Variants in CENPE observed in about 807,000 individuals in gnomAD.
CENPE encodes the protein centromere protein E, also known as centromere-associated protein E.
CENPE carries 145 observed loss-of-function variants against 336.1 expected under a neutral mutation model. The observed-to-expected ratio is 0.43, with a 90% confidence interval of 0.38 to 0.50. The LOEUF is 0.50. CENPE is among the 20% of genes least tolerant of loss of function. CENPE has a pLI of 0.00. For missense variants in CENPE, 2,719 were observed against 3,023.3 expected (o/e 0.90, Z 2.36); for synonymous variants, 1,013 against 984.8 (o/e 1.03, Z -0.54).
At chr4:103,190,329 T>C (rs889873539) in intron 8 of CENPE, among the ~76,000 whole-genome samples, 1 of 152,122 alleles carries the variant, frequency 6.6e-6, no homozygotes, top group Non-Finnish European at 1.5e-5. Context: ...GAGCCCGCAT[T>C]GCCAAGTCAA....
chr4:103,140,208 T>C (rs1335556551), intron 37 of CENPE, 48 bp downstream of exon 37: 2 of 1,527,576 alleles, frequency 1.3e-6, no homozygotes, highest in South Asian at 1.3e-5. Context: ...ATTCCACAAA[T>C]AATTTTGGGC....
At chr4:103,144,646 C>T (rs1364149802) in intron 32 of CENPE, 28 bp from the exon 33 acceptor site, 25 of 1,502,728 alleles carry the variant, frequency 1.7e-5, no homozygotes, top group Non-Finnish European at 2.2e-5. Flanking sequence ...TAAGTTACAA[C>T]ATAGGCAGAA....
Position 103,156,394 on chromosome 4 carries a change from T to C in CENPE, c.3033+1906A>G, listed in dbSNP as rs187800358. Among the ~76,000 whole-genome samples the C allele has an allele frequency of 1.2e-4, 18 of 152,154 alleles. No individual in the cohort carries two copies. In the East Asian group the frequency reaches 2.7e-3, roughly 23 times the overall value. Reference sequence around the variant, plus strand: ...AGCATAAAGACAGACATATAAACCATTGGAACAGAATAGAAAGACCAGAAA... The same window carrying C: ...AGCATAAAGACAGACATATAAACCACTGGAACAGAATAGAAAGACCAGAAA... On this transcript the variant is annotated intron_variant, in intron 24 of 48. Transcript: ENST00000265148.
intron 47 of CENPE, among the ~76,000 whole-genome samples, chr4:103,110,391 T>C (rs1422697778): frequency 6.6e-6 from 1 of 152,224 alleles, no homozygotes; most frequent in African/African-American, 2.4e-5. Context: ...AACGCTTTTT[T>C]TTCTACTGTA....
intron 45 of CENPE, among the ~76,000 whole-genome samples, chr4:103,115,061 T>C (rs1262990975): frequency 6.6e-6 from 1 of 152,168 alleles, no homozygotes; most frequent in African/African-American, 2.4e-5. Context: ...TCAGTAACGA[T>C]AAATTATAAG....
In CENPE at chr4:103,194,400, T is replaced by C. The variant is rs777052588; in HGVS notation, c.601A>G (p.Ser201Gly). 6.2e-7 allele frequency: 1 copy of C among 1,611,592 alleles called. No homozygotes were observed. Among genetic ancestry groups the C allele is most frequent in the Non-Finnish European group, 8.5e-7 (1 of 1,178,492 alleles). The change falls in exon 7 of 49, where the codon AGT becomes GGT. Residue 201 changes from serine (S) to glycine (G), a missense_variant. Transcript: ENST00000265148. ...YGETKMNQRS[S>G]RSHTIFRMIL... ...ATCCTAAAGATGGTATGAGAACGAC[T>C]GCTTCTTTGATTCATTTTTGTTTCT...
At position 103,144,136 on chromosome 4, in the gene CENPE, C is replaced by A. The variant is rs181207049; in HGVS notation, c.5145+195G>T. ...TGTTTTTAGTAGAGATGGCGTTTCACCATGTTAGCCAGGATGGTCTTGATC... is the reference window on the plus strand; with the variant it reads ...TGTTTTTAGTAGAGATGGCGTTTCAACATGTTAGCCAGGATGGTCTTGATC... On this transcript the variant is annotated intron_variant, in intron 33 of 48. Coordinates refer to ENST00000265148, the MANE Select transcript of CENPE (RefSeq NM_001813.3). 1.8e-4 allele frequency among the ~76,000 whole-genome samples: 27 copies of A among 152,218 alleles called. No individual in the cohort carries two copies. The East Asian group carries it at 4.8e-3, about 27-fold the overall frequency.
chr4:103,112,316 T>C (rs1749520529), intron 46 of CENPE, among the ~76,000 whole-genome samples: 1 of 140,222 alleles, frequency 7.1e-6, no homozygotes, highest in South Asian at 2.1e-4. Flanking sequence ...ACTATATACT[T>C]ATAAGTGTAT....
rs1208300892 is a variant in CENPE at position 103,148,869 on chromosome 4, T to G, written c.3818A>C (p.Lys1273Thr). ...AQIINTQDLE[K>T]SHTKLQEEIP... Reference sequence around the variant, plus strand: ...CTCTTCTTGTAATTTGGTATGGGATTTTTCTAAGTCCTGAGTATTTATTAT... The same window carrying G: ...CTCTTCTTGTAATTTGGTATGGGATGTTTCTAAGTCCTGAGTATTTATTAT... Residue 1273 changes from lysine (K) to threonine (T), a missense_variant, in exon 28 of 49, where the codon AAA becomes ACA. This residue lies in a region of CENPE where 2,437 missense variants were observed against 2,513.3 expected (regional missense o/e 0.97). Coordinates refer to ENST00000265148, the MANE Select transcript of CENPE (RefSeq NM_001813.3). 1 of 1,612,436 alleles carries G rather than the reference T, an allele frequency of 6.2e-7. No homozygotes were observed. The highest frequency in any genetic ancestry group is 1.7e-5 in the Admixed American group (1 of 59,756).
At chr4:103,141,417 T>C (rs1752550861) in intron 35 of CENPE, among the ~76,000 whole-genome samples, 1 of 151,982 alleles carries the variant, frequency 6.6e-6, no homozygotes, top group South Asian at 2.1e-4. Context: ...CTGACCTTTA[T>C]CATCCTGGTT....
Position 103,106,133 on chromosome 4 carries a change from C to T in CENPE, c.*89G>A, listed in dbSNP as rs541298252. The T allele has an allele frequency of 1.1e-5, 9 of 794,762 alleles. No individual in the cohort carries two copies. In the African/African-American group the frequency reaches 1.4e-4, roughly 12 times the overall value. The allele number at this position is 794,762 out of a possible 1,614,324, so 49.2% of individuals were successfully genotyped here. On this transcript the variant is annotated 3_prime_UTR_variant, in exon 49 of 49. Transcript: ENST00000265148. ...AAGACTGAATTGAAATTAAGCTGCA[C>T]TACAACATCATTACCAGGGATAGAC...
At chr4:103,147,947 G>C (rs1397268288) in intron 28 of CENPE, among the ~76,000 whole-genome samples, 1 of 152,030 alleles carries the variant, frequency 6.6e-6, no homozygotes, top group Non-Finnish European at 1.5e-5. Flanking sequence ...GCCTGCCTTG[G>C]CCTCCCAAAG....
At chr4:103,136,070 G>T in intron 40 of CENPE, 71 bp downstream of exon 40, 1 of 1,281,310 alleles carries the variant, frequency 7.8e-7, no homozygotes, top group Non-Finnish European at 1.1e-6. Flanking sequence ...GCCGGCACCT[G>T]AAGCAGGACT....
chr4:103,145,705 A>G (rs763312014), intron 30 of CENPE, 24 bp from the exon 31 acceptor site: 2 of 1,546,278 alleles, frequency 1.3e-6, no homozygotes, highest in Admixed American at 4.3e-5. Context: ...GGAAATTCCA[A>G]TAAATTTATA....
intron 38 of CENPE, among the ~76,000 whole-genome samples, chr4:103,139,327 T>C (rs1752341528): frequency 6.6e-6 from 1 of 152,196 alleles, no homozygotes. Flanking sequence ...AGATATATGA[T>C]TCTGAATATC....
Position 103,149,258 on chromosome 4 carries a change from C to G in CENPE, c.3547G>C (p.Glu1183Gln), listed in dbSNP as rs771484911. The change falls in exon 27 of 49, where the codon GAG (glutamate) becomes CAG (glutamine). Residue 1183 changes from glutamate to glutamine, a missense_variant. Physicochemically the swap from Glu to Gln is conservative, Grantham distance 29 (BLOSUM62 2). This residue lies in a region of CENPE where 2,437 missense variants were observed against 2,513.3 expected (regional missense o/e 0.97). Transcript: ENST00000265148. ...TTTTCATTAAGTTTCTGAGCCAACT[C>G]AAGCCTCTCTGTTTCCATATGTTCC... ...TLEHMETERL[E>Q]LAQKLNENYE... 1.9e-6 allele frequency: 3 copies of G among 1,613,022 alleles called. No homozygotes were observed. The highest frequency in any genetic ancestry group is 1.1e-5 in the South Asian group (1 of 90,998).
At chr4:103,162,006 G>A (rs1048084152) in intron 18 of CENPE, among the ~76,000 whole-genome samples, 1 of 152,006 alleles carries the variant, frequency 6.6e-6, no homozygotes, top group Non-Finnish European at 1.5e-5. Flanking sequence ...TGAAATCAAT[G>A]ATATGTCCTT....
chr4:103,145,166 T>G lies in CENPE; in HGVS notation c.4741A>C (p.Ser1581Arg), dbSNP rs35100664. The change falls in exon 32 of 49, where the codon AGT becomes CGT. Residue 1581 changes from serine (S) to arginine (R), a missense_variant. Transcript: ENST00000265148. ...ATCATAATTTGTATTTCTTCTTGAC[T>G]TTCTTGAAGTCTGTTGGTCAACTCG... is the stretch of plus-strand genomic sequence containing the variant. ...MLELTNRLQESQEEIQIMIKE... is the reference protein window; with the variant it reads ...MLELTNRLQERQEEIQIMIKE... The G allele has an allele frequency of 3.9e-3, 6,354 of 1,613,326 alleles. 209 individuals are homozygous for G. The African/African-American group carries it at 0.07, about 18-fold the overall frequency.
At position 103,141,015 on chromosome 4, in the gene CENPE, T is replaced by C. The variant is rs561874059; in HGVS notation, c.5553A>G (p.Gln1851=). Residue 1851 remains glutamine (Q), a synonymous_variant, in exon 36 of 49, where the codon CAA becomes CAG. Transcript: ENST00000265148. ...ETQKKVSEME[Q]LKKQIKDQSL... is the part of the protein sequence containing the mutation. ...TTTGGTCTTTTATTTGTTTCTTTAG[T>C]TGCTCCATTTCAGACACTTTTTTCT... 6.2e-7 allele frequency: 1 copy of C among 1,606,854 alleles called. No homozygotes were observed. Among genetic ancestry groups the C allele is most frequent in the African/African-American group, 1.3e-5 (1 of 74,898 alleles).
Sources: allele counts gnomAD v4.1 joint callset (sites outside exome capture counted in the v4.1 genomes callset), GRCh38; gene constraint gnomAD v4.1.1; regional missense constraint gnomAD v4.1.1; transcripts MANE v1.5; gene names NCBI Gene and HGNC (gene_info 2026-07-23, HGNC 2026-07-21).